The following RETREG1 variants were observed in gnomAD, a reference collection of about 807,000 sequenced individuals.
RETREG1 encodes the protein reticulophagy regulator 1.
A neutral mutation model predicts 54.8 loss-of-function variants in RETREG1; 44 were observed. The ratio of observed to expected loss-of-function variants is 0.80; its 90% confidence interval spans 0.63 to 1.03. RETREG1 has a LOEUF of 1.03. Ranked by LOEUF, RETREG1 falls within the 50% of genes least tolerant of loss-of-function variation. The pLI is 0.00. For synonymous variants in RETREG1, 217 were observed against 238.5 expected (o/e 0.91, Z 0.83); for missense variants, 554 against 605.1 (o/e 0.92, Z 0.89).
intron 1 of RETREG1, among the ~76,000 whole-genome samples, chr5:16,611,899 C>T (rs1476079107): frequency 6.6e-6 from 1 of 151,852 alleles, no homozygotes. Flanking sequence ...ACCCTGTCAC[C>T]ACTAAAAATA....
chr5:16,606,633 A>T (rs189859160), intron 1 of RETREG1, among the ~76,000 whole-genome samples: 1 of 152,066 alleles, frequency 6.6e-6, no homozygotes. Context: ...AGCCTAAGTC[A>T]TCTAGCCCAT....
intron 3 of RETREG1, among the ~76,000 whole-genome samples, chr5:16,510,650 C>T (rs567732408): frequency 6.1e-4 from 92 of 151,620 alleles, no homozygotes; most frequent in African/African-American, 2.1e-3. Context: ...ATTAGCCGAG[C>T]GTGGTGACGC....
intron 3 of RETREG1, among the ~76,000 whole-genome samples, chr5:16,529,845 CAT>C (rs1740857489): frequency 6.6e-6 from 1 of 152,160 alleles, no homozygotes; most frequent in East Asian, 1.9e-4. Context: ...CAGGCTTTCC[CAT>C]TTGGGTTCAT....
chr5:16,569,283 C>CTT (rs1304709996), intron 2 of RETREG1, among the ~76,000 whole-genome samples: 4 of 115,684 alleles, frequency 3.5e-5, no homozygotes, highest in African/African-American at 1.2e-4. Context: ...ATTCCCATTT[C>CTT]TTTCTTTTTT....
At chr5:16,577,775 G>A (rs991709571) in intron 1 of RETREG1, among the ~76,000 whole-genome samples, 4 of 152,186 alleles carry the variant, frequency 2.6e-5, no homozygotes, top group Middle Eastern at 6.8e-3. Context: ...CTGTTCTCGT[G>A]GGAGTGAGTA....
chr5:16,563,210 C>T (rs1741910502), intron 3 of RETREG1, among the ~76,000 whole-genome samples: 1 of 152,156 alleles, frequency 6.6e-6, no homozygotes, highest in South Asian at 2.1e-4. Context: ...AGGAATCACT[C>T]CTCAGAGCCT....
At chr5:16,540,514 A>G (rs1741210095) in intron 3 of RETREG1, among the ~76,000 whole-genome samples, 2 of 152,244 alleles carry the variant, frequency 1.3e-5, no homozygotes, top group African/African-American at 4.8e-5. Flanking sequence ...ATTCACACAC[A>G]TACCAGTGAA....
At chr5:16,534,423 C>A (rs1388193345) in intron 3 of RETREG1, among the ~76,000 whole-genome samples, 1 of 152,224 alleles carries the variant, frequency 6.6e-6, no homozygotes, top group Non-Finnish European at 1.5e-5. Flanking sequence ...TGTGTACCAG[C>A]CAGACAGGGT....
intron 3 of RETREG1, among the ~76,000 whole-genome samples, chr5:16,523,805 A>G (rs751439616): frequency 1.3e-5 from 2 of 152,020 alleles, no homozygotes; most frequent in African/African-American, 2.4e-5. Flanking sequence ...TATTTGTCCA[A>G]TCATTTATTT....
chr5:16,611,279 A>G (rs1743336072), intron 1 of RETREG1, among the ~76,000 whole-genome samples: 2 of 152,202 alleles, frequency 1.3e-5, no homozygotes, highest in African/African-American at 2.4e-5. Flanking sequence ...GGGGAGGGAT[A>G]GCATTAGGAG....
chr5:16,524,501 G>A (rs1740637184), intron 3 of RETREG1, among the ~76,000 whole-genome samples: 1 of 152,176 alleles, frequency 6.6e-6, no homozygotes, highest in South Asian at 2.1e-4. Context: ...TCTACTTTCA[G>A]CATCAAACCA....
At chr5:16,511,738 C>T (rs1740181697) in intron 3 of RETREG1, among the ~76,000 whole-genome samples, 1 of 152,088 alleles carries the variant, frequency 6.6e-6, no homozygotes, top group Non-Finnish European at 1.5e-5. Context: ...GTACAGGAAG[C>T]ATGGCTGGCA....
chr5:16,523,063 G>A (rs549360137), intron 3 of RETREG1, among the ~76,000 whole-genome samples: 43 of 152,020 alleles, frequency 2.8e-4, no homozygotes, highest in African/African-American at 1.0e-3. Flanking sequence ...GAAGAAGGGA[G>A]GGAAAGAAAG....
chr5:16,613,382 T>A (rs1743403907), intron 1 of RETREG1, among the ~76,000 whole-genome samples: 1 of 152,206 alleles, frequency 6.6e-6, no homozygotes, highest in African/African-American at 2.4e-5. Context: ...AAGCATGATC[T>A]CCTTATTAAG....
intron 1 of RETREG1, among the ~76,000 whole-genome samples, chr5:16,611,099 C>T (rs1743329349): frequency 6.6e-6 from 1 of 152,152 alleles, no homozygotes; most frequent in African/African-American, 2.4e-5. Context: ...AGTTCATGTC[C>T]TTTGTAGGGA....
At chr5:16,513,151 T>C (rs1378620460) in intron 3 of RETREG1, among the ~76,000 whole-genome samples, 2 of 152,168 alleles carry the variant, frequency 1.3e-5, no homozygotes, top group East Asian at 3.9e-4. Flanking sequence ...CTGGGTCAAA[T>C]TAGAAACTGG....
intron 3 of RETREG1, among the ~76,000 whole-genome samples, chr5:16,496,225 A>G (rs1739451727): frequency 6.6e-6 from 1 of 152,202 alleles, no homozygotes; most frequent in African/African-American, 2.4e-5. Context: ...TTTTCCTATC[A>G]TATCAAATGT....
At chr5:16,602,901 G>C (rs751036078) in intron 1 of RETREG1, among the ~76,000 whole-genome samples, 1 of 152,114 alleles carries the variant, frequency 6.6e-6, no homozygotes, top group Non-Finnish European at 1.5e-5. Context: ...CCAGCTACTC[G>C]GGAGGCTGAG....
At chr5:16,590,173 C>T (rs1293200163) in intron 1 of RETREG1, among the ~76,000 whole-genome samples, 1 of 152,182 alleles carries the variant, frequency 6.6e-6, no homozygotes, top group Admixed American at 6.5e-5. Context: ...CCCCCAACCC[C>T]AGCTGCTGAT....
Sources: gnomAD v4.1 joint callset for allele counts (sites outside exome capture counted in the v4.1 genomes callset) on GRCh38, gnomAD v4.1.1 for gene constraint, MANE v1.5 for transcripts, NCBI Gene and HGNC (gene_info 2026-07-23, HGNC 2026-07-21) for gene names.